Variants in STK17B observed in about 807,000 individuals in gnomAD.
The protein encoded by STK17B is serine/threonine kinase 17b, also known as serine/threonine-protein kinase 17B.
In STK17B, 21 loss-of-function variants were observed where a neutral mutation model predicts 42.0. The observed-to-expected ratio is 0.50, with a 90% CI of 0.35 to 0.72. STK17B has a LOEUF of 0.72. Among genes scored for constraint, STK17B ranks in the 30% least tolerant of loss-of-function variants. The pLI is 0.00. For synonymous variants in STK17B, 143 were observed against 148.4 expected (o/e 0.96, Z 0.26); for missense variants, 349 against 446.0 (o/e 0.78, Z 1.96).
intron 6 of STK17B, 92 bp downstream of exon 6, chr2:196,141,157 T>G: frequency 1.2e-6 from 1 of 868,228 alleles, no homozygotes; most frequent in East Asian, 2.7e-5. Context: ...GAAGAAAGCC[T>G]TATTATTTAT....
At chr2:196,172,009 AAG>A (rs1402407187), upstream of STK17B, among the ~76,000 whole-genome samples, 1 of 152,186 alleles carries the variant, frequency 6.6e-6, no homozygotes, top group African/African-American at 2.4e-5. Flanking sequence ...GTGCCTACCA[AAG>A]ACCTATTTTC....
At chr2:196,170,659 G>A (rs1699927985) in intron 1 of STK17B, among the ~76,000 whole-genome samples, 1 of 152,218 alleles carries the variant, frequency 6.6e-6, no homozygotes, top group South Asian at 2.1e-4. Context: ...TTGGCATCCA[G>A]TAGTGGTATA....
intron 3 of STK17B, among the ~76,000 whole-genome samples, chr2:196,151,932 A>G (rs947894854): frequency 4.6e-5 from 7 of 152,212 alleles, no homozygotes; most frequent in African/African-American, 1.7e-4. Flanking sequence ...ATAATTGTTA[A>G]AAGTGACAAG....
At chr2:196,170,876 AG>A (rs1699931503) in intron 1 of STK17B, 1 of 152,258 alleles carries the variant, frequency 6.6e-6, no homozygotes, top group African/African-American at 2.4e-5. Context: ...CGCGTCCACG[AG>A]TCCCGATGGG....
intron 4 of STK17B, 127 bp downstream of exon 4, chr2:196,145,784 C>T (rs1699564063): frequency 1.2e-6 from 1 of 849,716 alleles, no homozygotes; most frequent in Non-Finnish European, 1.7e-6. Context: ...AAGCAAAGAG[C>T]ACACCAGTGC....
intron 3 of STK17B, among the ~76,000 whole-genome samples, chr2:196,147,733 T>TA (rs141943050): frequency 0.039 from 2,676 of 67,806 alleles, 47 homozygotes; most frequent in Admixed American, 0.071. Flanking sequence ...TGAGACATAA[T>TA]ATATTTTTTT....
At chr2:196,170,804 C>A (rs1322073850) in intron 1 of STK17B, 1 of 152,258 alleles carries the variant, frequency 6.6e-6, no homozygotes, top group African/African-American at 2.4e-5. Context: ...CAAGCAGTAA[C>A]TGAAAACGTC....
At chr2:196,146,077 A>C (rs773070092) in intron 3 of STK17B, 22 bp from the exon 4 acceptor site, 49 of 1,560,050 alleles carry the variant, frequency 3.1e-5, no homozygotes, top group Non-Finnish European at 2.6e-6. Flanking sequence ...TTCAAAGAAC[A>C]GAGACTTGAA....
chr2:196,149,138 G>T (rs17300868), intron 3 of STK17B, among the ~76,000 whole-genome samples: 10 of 151,820 alleles, frequency 6.6e-5, no homozygotes, highest in Non-Finnish European at 1.3e-4. Context: ...TCTGACACAC[G>T]GTAAATATTC....
chr2:196,160,040 A>G (rs1699791152), intron 2 of STK17B, among the ~76,000 whole-genome samples: 1 of 152,254 alleles, frequency 6.6e-6, no homozygotes. Context: ...AAAATGCTAT[A>G]GTTTAAAAGT....
intron 2 of STK17B, among the ~76,000 whole-genome samples, chr2:196,162,509 T>C (rs1406124368): frequency 6.6e-6 from 1 of 151,992 alleles, no homozygotes; most frequent in Non-Finnish European, 1.5e-5. Flanking sequence ...CTAGGCACTT[T>C]ACAAATATTA....
At chr2:196,143,747 TG>T (rs2105681897) in intron 4 of STK17B, 61 bp from the exon 5 acceptor site, 2 of 1,352,584 alleles carry the variant, frequency 1.5e-6, no homozygotes. Flanking sequence ...TAGTCTCAGA[TG>T]GAAAGTATAT....
chr2:196,163,179 T>A, intron 2 of STK17B, 83 bp downstream of exon 2: 1 of 1,484,926 alleles, frequency 6.7e-7, no homozygotes, highest in Non-Finnish European at 9.2e-7. Context: ...TAAATAATGA[T>A]CCCAAGTGAG....
intron 3 of STK17B, among the ~76,000 whole-genome samples, chr2:196,148,827 A>T (rs1383522958): frequency 6.6e-6 from 1 of 152,240 alleles, no homozygotes; most frequent in African/African-American, 2.4e-5. Flanking sequence ...ACAAAATACA[A>T]GAAAGTAAAG....
At chr2:196,168,033 T>C (rs1699892585) in intron 1 of STK17B, among the ~76,000 whole-genome samples, 1 of 152,240 alleles carries the variant, frequency 6.6e-6, no homozygotes, top group African/African-American at 2.4e-5. Flanking sequence ...GGTATCAAGA[T>C]GGAAATGATG....
At chr2:196,143,464 C>T (rs965255394) in intron 5 of STK17B, 96 bp downstream of exon 5, 4 of 1,212,064 alleles carry the variant, frequency 3.3e-6, no homozygotes, top group Non-Finnish European at 4.5e-6. Context: ...ATCCTTTTAA[C>T]TGAATCGAAT....
chr2:196,162,176 G>C (rs1016345000), intron 2 of STK17B, among the ~76,000 whole-genome samples: 1 of 151,984 alleles, frequency 6.6e-6, no homozygotes, highest in Non-Finnish European at 1.5e-5. Context: ...TAAATAACTT[G>C]GTATATCTTT....
At chr2:196,150,285 AC>A (rs1483408218) in intron 3 of STK17B, among the ~76,000 whole-genome samples, 1 of 152,072 alleles carries the variant, frequency 6.6e-6, no homozygotes, top group Non-Finnish European at 1.5e-5. Context: ...AAATCAGGTG[AC>A]TTCTGCTCTT....
chr2:196,162,956 C>T (rs1297291327), intron 2 of STK17B, among the ~76,000 whole-genome samples: 1 of 152,280 alleles, frequency 6.6e-6, no homozygotes, highest in Non-Finnish European at 1.5e-5. Flanking sequence ...CTGGTGGAGT[C>T]CAAACTTGAA....
Sources: gnomAD v4.1 joint callset for allele counts (sites outside exome capture counted in the v4.1 genomes callset) on GRCh38, gnomAD v4.1.1 for gene constraint, MANE v1.5 for transcripts, NCBI Gene and HGNC (gene_info 2026-07-23, HGNC 2026-07-21) for gene names.